Variants in STK32B observed in about 807,000 individuals in gnomAD.
The protein encoded by STK32B is serine/threonine kinase 32B.
A neutral mutation model predicts 52.6 loss-of-function variants in STK32B; 43 were observed. The ratio of observed to expected loss-of-function variants is 0.82; its 90% confidence interval spans 0.64 to 1.05. The LOEUF (loss-of-function observed/expected upper bound fraction) is 1.05. STK32B is among the 50% of genes least tolerant of loss of function. The pLI, the probability that STK32B is intolerant of heterozygous loss-of-function variation, is 0.00. For synonymous variants in STK32B, 238 were observed against 204.3 expected (o/e 1.17, Z -1.41); for missense variants, 621 against 534.6 (o/e 1.16, Z -1.59).
chr4:5,031,292 C>T, the STK32B span, among the ~76,000 whole-genome samples: 1 of 152,204 alleles, frequency 6.6e-6, no homozygotes, highest in Non-Finnish European at 1.5e-5. Flanking sequence ...CAAGCTGACA[C>T]ATGAAATTAA....
chr4:5,174,086 G>A (rs1489808285), intron 3 of STK32B, among the ~76,000 whole-genome samples: 1 of 151,988 alleles, frequency 6.6e-6, no homozygotes, highest in Non-Finnish European at 1.5e-5. Flanking sequence ...GATCTTTGTT[G>A]GTTTAAAGTC....
chr4:5,295,926 A>G (rs1327862173), intron 3 of STK32B, among the ~76,000 whole-genome samples: 1 of 149,562 alleles, frequency 6.7e-6, no homozygotes, highest in Non-Finnish European at 1.5e-5. Flanking sequence ...TTCTCTCTAA[A>G]CACTGCTTTA....
chr4:5,126,192 C>G (rs997359807), intron 1 of STK32B, among the ~76,000 whole-genome samples: 1 of 152,220 alleles, frequency 6.6e-6, no homozygotes, highest in Non-Finnish European at 1.5e-5. Context: ...GGGTCCTCCA[C>G]TTCTTTGTTA....
intron 3 of STK32B, among the ~76,000 whole-genome samples, chr4:5,186,367 C>A (rs1001585777): frequency 6.6e-6 from 1 of 152,134 alleles, no homozygotes; most frequent in Non-Finnish European, 1.5e-5. Flanking sequence ...TAGCATCTGA[C>A]GTTCAGTAGA....
At chr4:5,491,721 T>G (rs1309263427) in intron 11 of STK32B, among the ~76,000 whole-genome samples, 11 of 152,136 alleles carry the variant, frequency 7.2e-5, no homozygotes, top group Admixed American at 5.9e-4. Flanking sequence ...GGTCTAACAT[T>G]TAAGTCTTTA....
intron 1 of STK32B, among the ~76,000 whole-genome samples, chr4:5,052,313 T>G (rs1383885108): frequency 6.6e-6 from 1 of 151,784 alleles, no homozygotes; most frequent in Non-Finnish European, 1.5e-5. Flanking sequence ...GAAGGGCGGG[T>G]TGCACCGTGT....
rs190896912 is a variant in STK32B at position 5,495,830 on chromosome 4, C to A, written c.1107-3115C>A. On this transcript the variant is annotated intron_variant, in intron 11 of 11. Coordinates refer to ENST00000282908, the MANE Select transcript of STK32B (RefSeq NM_018401.3). ...TCAGCTGCAGATCTGTTGGAGTTTGCTAGAGGTCCACTCCAGACCCTGTTT... is the reference window on the plus strand; with the variant it reads ...TCAGCTGCAGATCTGTTGGAGTTTGATAGAGGTCCACTCCAGACCCTGTTT... 3.3e-5 allele frequency among the ~76,000 whole-genome samples: 5 copies of A among 152,288 alleles called. No homozygotes were observed. The East Asian group carries it at 9.7e-4, about 29-fold the overall frequency.
At position 5,058,843 on chromosome 4, in the gene STK32B, C is replaced by T. The variant is rs994100048; in HGVS notation, c.52+6928C>T. Among the ~76,000 whole-genome samples the T allele has an allele frequency of 2.0e-5, 3 of 152,086 alleles. No homozygotes were observed. Among genetic ancestry groups the T allele is most frequent in the Admixed American group, 6.5e-5 (1 of 15,276 alleles). ...TCAGCTCACTGCAACCTCTGCCTCC[C>T]AGGTTCAAGCGATTCTCATGCCTCA... On this transcript the variant is annotated intron_variant, in intron 1 of 11. Transcript: ENST00000282908. The surrounding 1 kb of genome is among the most constrained non-coding windows in gnomAD (Gnocchi z 4.8).
chr4:5,423,081 G>A (rs78459806), intron 6 of STK32B, among the ~76,000 whole-genome samples: 2,574 of 152,228 alleles, frequency 0.017, 55 homozygotes, highest in East Asian at 0.075. Flanking sequence ...ATGCTGTGGT[G>A]AGAGCCTAGG....
chr4:5,440,049 C>G (rs1348362481), intron 6 of STK32B, among the ~76,000 whole-genome samples: 1 of 152,042 alleles, frequency 6.6e-6, no homozygotes, highest in Non-Finnish European at 1.5e-5. Context: ...ATGCCTCCAG[C>G]TTTGTTCTTT....
At chr4:5,490,200 G>A (rs561875652) in intron 11 of STK32B, among the ~76,000 whole-genome samples, 33 of 151,688 alleles carry the variant, frequency 2.2e-4, no homozygotes, top group South Asian at 1.5e-3. Flanking sequence ...TCTACCTCCC[G>A]GGTTCAAGCA....
At chr4:5,202,664 C>T (rs1722247044) in intron 3 of STK32B, among the ~76,000 whole-genome samples, 1 of 152,250 alleles carries the variant, frequency 6.6e-6, no homozygotes. Context: ...GTTCCCAAAT[C>T]TCAACTCTTA....
At chr4:5,437,852 T>A in intron 6 of STK32B, 1 of 942,444 alleles carries the variant, frequency 1.1e-6, no homozygotes, top group African/African-American at 1.8e-5. Context: ...GTCTAAGTGC[T>A]GGGATTCTGA....
chr4:5,362,410 A>G (rs1370533842), intron 4 of STK32B, among the ~76,000 whole-genome samples: 2 of 152,154 alleles, frequency 1.3e-5, no homozygotes, highest in Non-Finnish European at 2.9e-5. Context: ...ATGCATCACC[A>G]TCTCTCATTT....
chr4:5,043,422 A>G, the STK32B span, among the ~76,000 whole-genome samples: 1 of 152,216 alleles, frequency 6.6e-6, no homozygotes, highest in Non-Finnish European at 1.5e-5. Context: ...AACTGTGCAT[A>G]TAGTTTTGCT....
chr4:5,190,489 T>C (rs1034126424), intron 3 of STK32B, among the ~76,000 whole-genome samples: 5 of 152,138 alleles, frequency 3.3e-5, no homozygotes, highest in African/African-American at 1.2e-4. Context: ...GACACCACAC[T>C]GCATTTGGTG....
In STK32B at chr4:5,317,014, A is replaced by G. The variant is rs539763478; in HGVS notation, c.261-14206A>G. ...ATATGATATAATATATAATATATATAATATATAATATATATGATATAATAT... is the reference window on the plus strand; with the variant it reads ...ATATGATATAATATATAATATATATGATATATAATATATATGATATAATAT... On this transcript the variant is annotated intron_variant, in intron 3 of 11. Transcript: ENST00000282908. 7.0e-4 allele frequency among the ~76,000 whole-genome samples: 18 copies of G among 25,610 alleles called. 1 individual carries two copies. The South Asian group carries it at 0.018, about 26-fold the overall frequency. The allele number at this position is 25,610 out of a possible 152,430, so 16.8% of individuals were successfully genotyped here.
chr4:5,293,400 C>A (rs920823396), intron 3 of STK32B, among the ~76,000 whole-genome samples: 5 of 152,098 alleles, frequency 3.3e-5, no homozygotes, highest in African/African-American at 1.2e-4. Context: ...ATTTTCACTC[C>A]CACCAACAGT....
At chr4:5,062,381 T>C (rs2108759263) in intron 1 of STK32B, among the ~76,000 whole-genome samples, 1 of 152,340 alleles carries the variant, frequency 6.6e-6, no homozygotes, top group South Asian at 2.1e-4. Context: ...ATGAGCCAAC[T>C]CATGAACCTC....
Sources: gnomAD v4.1 joint callset for allele counts (sites outside exome capture counted in the v4.1 genomes callset) on GRCh38, gnomAD v4.1.1 for gene constraint, Gnocchi (gnomAD v3.1) non-coding constraint, MANE v1.5 for transcripts, NCBI Gene and HGNC (gene_info 2026-07-23, HGNC 2026-07-21) for gene names.